NDUFAF2: variants seen among roughly 807,000 people sequenced by gnomAD.
NDUFAF2 encodes the protein NADH:ubiquinone oxidoreductase complex assembly factor 2, also known as NADH dehydrogenase [ubiquinone] 1 alpha subcomplex assembly factor 2.
Under a neutral mutation model 22.8 loss-of-function variants are expected in NDUFAF2, and 13 were observed. The observed-to-expected ratio is 0.57, with a 90% CI of 0.37 to 0.91. The LOEUF (loss-of-function observed/expected upper bound fraction) is 0.91, where lower values mean the gene tolerates loss of function less well. NDUFAF2 is among the 40% of genes least tolerant of loss of function. The pLI is 0.01. For missense variants in NDUFAF2, 162 were observed against 195.2 expected, an observed-to-expected ratio of 0.83 and a Z score of 1.01; for synonymous variants, 53 against 64.2, an observed-to-expected ratio of 0.83 and a Z score of 0.84.
Position 61,017,635 on chromosome 5 carries a change from G to C in NDUFAF2, c.128-55490G>C, listed in dbSNP as rs569090315. Among the ~76,000 whole-genome samples, 4 of 152,318 alleles carry C rather than the reference G, an allele frequency of 2.6e-5. No individual in the cohort carries two copies. The South Asian group carries it at 8.3e-4, about 32-fold the overall frequency. On this transcript the variant is annotated intron_variant, in intron 1 of 3. Coordinates refer to ENST00000296597, the MANE Select transcript of NDUFAF2 (RefSeq NM_174889.5). ...TTGAAGTAGCTGGGCAGGGTGGTAT[G>C]TGCCTATAGTCTCAACTCTGTGAAA...
intron 1 of NDUFAF2, among the ~76,000 whole-genome samples, chr5:60,963,394 T>C (rs1750716401): frequency 6.6e-6 from 1 of 152,198 alleles, no homozygotes; most frequent in African/African-American, 2.4e-5. Context: ...TTCCCCTCAC[T>C]GGCAAGATTT....
intron 1 of NDUFAF2, among the ~76,000 whole-genome samples, chr5:61,057,357 C>A (rs1752112705): frequency 6.6e-6 from 1 of 152,114 alleles, no homozygotes; most frequent in South Asian, 2.1e-4. Flanking sequence ...TGTCTTACAA[C>A]CAGTTACTCA....
chr5:61,099,049 AG>A lies in NDUFAF2; in HGVS notation c.258+19del. 1.3e-6 allele frequency: 2 copies of A among 1,583,032 alleles called. No individual in the cohort carries two copies. The highest frequency in any genetic ancestry group is 1.7e-6 in the Non-Finnish European group (2 of 1,155,698). On this transcript the variant is annotated intron_variant, in intron 3 of 3. Transcript: ENST00000296597. Reference sequence around the variant, plus strand: ...ACTATGGAGGTAAGACTACACAAGGAGGATATCATTTAGGAGTATATATTCC... The same window carrying A: ...ACTATGGAGGTAAGACTACACAAGGAGATATCATTTAGGAGTATATATTCC...
chr5:60,981,300 A>C lies in NDUFAF2; in HGVS notation c.127+35918A>C, dbSNP rs533137208. ...TGGCATGACATATTTAACATGCTGA[A>C]AGAAAAAATACATATATTAGAATAG... On this transcript the variant is annotated intron_variant, in intron 1 of 3. Coordinates refer to ENST00000296597, the MANE Select transcript of NDUFAF2 (RefSeq NM_174889.5). 3.9e-5 allele frequency among the ~76,000 whole-genome samples: 6 copies of C among 152,310 alleles called. No individual in the cohort carries two copies. The South Asian group carries it at 1.2e-3, about 32-fold the overall frequency.
intron 3 of NDUFAF2, among the ~76,000 whole-genome samples, chr5:61,147,795 T>C (rs1247510259): frequency 6.6e-6 from 1 of 152,176 alleles, no homozygotes; most frequent in Non-Finnish European, 1.5e-5. Context: ...TTGTACAGCA[T>C]AGGTCTCCAA....
chr5:60,971,929 G>GC (rs1333765744), intron 1 of NDUFAF2, among the ~76,000 whole-genome samples: 1 of 144,530 alleles, frequency 6.9e-6, no homozygotes, highest in East Asian at 2.1e-4. Context: ...CATTCTTTTT[G>GC]CCCCCCTCCC....
chr5:61,066,913 G>A (rs576958318), intron 1 of NDUFAF2, among the ~76,000 whole-genome samples: 6 of 152,198 alleles, frequency 3.9e-5, no homozygotes, highest in Admixed American at 3.9e-4. Context: ...GAACAAAACA[G>A]TGGTTACCTG....
At chr5:60,971,028 T>C (rs1750819756) in intron 1 of NDUFAF2, among the ~76,000 whole-genome samples, 1 of 152,076 alleles carries the variant, frequency 6.6e-6, no homozygotes, top group Non-Finnish European at 1.5e-5. Flanking sequence ...TGTTATTTAT[T>C]GAATAGTTAT....
intron 3 of NDUFAF2, among the ~76,000 whole-genome samples, chr5:61,130,480 C>G (rs1753095351): frequency 6.6e-6 from 1 of 152,074 alleles, no homozygotes; most frequent in South Asian, 2.1e-4. Context: ...AGAATTTCCC[C>G]AGAGATCTTA....
intron 1 of NDUFAF2, among the ~76,000 whole-genome samples, chr5:60,966,362 T>G (rs543614375): frequency 8.2e-4 from 125 of 152,290 alleles, no homozygotes; most frequent in Non-Finnish European, 1.5e-3. Context: ...GCAGAAGCTT[T>G]TTAATTAGAG....
At chr5:61,151,328 T>G (rs1471440124) in intron 3 of NDUFAF2, among the ~76,000 whole-genome samples, 1 of 152,128 alleles carries the variant, frequency 6.6e-6, no homozygotes. Flanking sequence ...TAAAAATACT[T>G]GACAGAACTT....
chr5:61,064,888 TAAATC>T (rs879724805), intron 1 of NDUFAF2, among the ~76,000 whole-genome samples: 2 of 149,322 alleles, frequency 1.3e-5, no homozygotes, highest in Admixed American at 6.7e-5. Context: ...AGAACAGAAA[TAAATC>T]AAATAAGGAA....
At chr5:60,954,208 G>T (rs1161022460) in intron 1 of NDUFAF2, among the ~76,000 whole-genome samples, 1 of 152,130 alleles carries the variant, frequency 6.6e-6, no homozygotes, top group Non-Finnish European at 1.5e-5. Context: ...GATGTGGCTA[G>T]GTGTGAGAAT....
At chr5:61,091,911 A>C (rs892830583) in intron 2 of NDUFAF2, among the ~76,000 whole-genome samples, 2 of 152,142 alleles carry the variant, frequency 1.3e-5, no homozygotes, top group East Asian at 3.9e-4. Context: ...TTTTCTGCAT[A>C]TGGCTAGCCA....
chr5:61,093,746 G>A (rs779139758), intron 2 of NDUFAF2, among the ~76,000 whole-genome samples: 8 of 152,156 alleles, frequency 5.3e-5, no homozygotes, highest in Non-Finnish European at 8.8e-5. Context: ...AACACTGCCA[G>A]GTTTTGGTAT....
intron 3 of NDUFAF2, among the ~76,000 whole-genome samples, chr5:61,143,746 A>G: frequency 6.6e-6 from 1 of 152,118 alleles, no homozygotes. Flanking sequence ...TTGCTCTTGA[A>G]AATAGTGAAC....
At chr5:61,097,210 C>A (rs1461489775) in intron 2 of NDUFAF2, among the ~76,000 whole-genome samples, 1 of 149,442 alleles carries the variant, frequency 6.7e-6, no homozygotes, top group Non-Finnish European at 1.5e-5. Context: ...TACAGATGAT[C>A]CTTGGTTTGC....
At chr5:61,051,335 T>G (rs1305481746) in intron 1 of NDUFAF2, among the ~76,000 whole-genome samples, 7 of 152,180 alleles carry the variant, frequency 4.6e-5, no homozygotes, top group Admixed American at 4.6e-4. Flanking sequence ...CTTATCGCTC[T>G]CTATTGCAGT....
chr5:61,017,759 T>G (rs1374041036), intron 1 of NDUFAF2, among the ~76,000 whole-genome samples: 3 of 97,352 alleles, frequency 3.1e-5, no homozygotes, highest in South Asian at 3.2e-4. Flanking sequence ...TTTATTTATG[T>G]TTTTTTTTGC....
Sources: gnomAD v4.1 joint callset for allele counts (sites outside exome capture counted in the v4.1 genomes callset) on GRCh38, gnomAD v4.1.1 for gene constraint, MANE v1.5 for transcripts, NCBI Gene and HGNC (gene_info 2026-07-23, HGNC 2026-07-21) for gene names.